TAF1D: variants seen among roughly 807,000 people sequenced by gnomAD.
TAF1D encodes TATA-box binding protein associated factor, RNA polymerase I subunit D.
TAF1D carries 23 observed loss-of-function variants against 26.2 expected under a neutral mutation model. The observed-to-expected ratio is 0.88, with a 90% CI of 0.63 to 1.25. TAF1D has a LOEUF of 1.25. TAF1D is among the 50% of genes most tolerant of loss of function. The pLI, the probability that TAF1D is intolerant of heterozygous loss-of-function variation, is 0.00. For synonymous variants in TAF1D, 100 were observed against 105.6 expected, an observed-to-expected ratio of 0.95 and a Z score of 0.33; for missense variants, 299 against 322.0, an observed-to-expected ratio of 0.93 and a Z score of 0.55.
chr11:93,730,253 C>G, exon 12 of TAF1D: 2 of 1,549,834 alleles, frequency 1.3e-6, no homozygotes, highest in African/African-American at 1.4e-5. Flanking sequence ...AAACTTCGAG[C>G]CAAAAATACA....
At chr11:93,738,587 A>T in intron 2 of TAF1D, 88 bp from the exon 3 acceptor site, 1 of 1,334,866 alleles carries the variant, frequency 7.5e-7, no homozygotes, top group South Asian at 1.7e-5. Context: ...CATTTCTTCC[A>T]AGACCAACTC....
chr11:93,730,614 T>TCA, downstream of TAF1D: 1 of 572,748 alleles, frequency 1.7e-6, no homozygotes, highest in Non-Finnish European at 3.4e-6. Context: ...GCTCTGGGTT[T>TCA]CACAGCCTCA....
chr11:93,735,293 T>G, downstream of TAF1D: 1 of 1,274,150 alleles, frequency 7.8e-7, no homozygotes, highest in East Asian at 4.9e-5. Flanking sequence ...ATCAAAATAA[T>G]GAACATCGGG....
Position 93,738,285 on chromosome 11 carries a change from T to C in TAF1D, c.283A>G (p.Lys95Glu). 1 of 1,609,406 alleles carries C rather than the reference T, an allele frequency of 6.2e-7. No homozygotes were observed. The highest frequency in any genetic ancestry group is 8.5e-7 in the Non-Finnish European group (1 of 1,178,970). ...CCTGTTGGCTGGTACCTCCTCTTTT[T>C]CTTTTTTTTATATCTCTTTTTCCTG... ...KNRKKRYKKK[K>E]KRRYQPTGRP... Residue 95 changes from lysine to glutamate, a missense_variant, in exon 3 of 6, where the codon AAA becomes GAA. By Grantham distance (56) the Lys-to-Glu change is moderately conservative (BLOSUM62 1). Transcript: ENST00000448108.
At chr11:93,739,404 G>T in intron 1 of TAF1D, 73 bp from the exon 2 acceptor site, 1 of 977,680 alleles carries the variant, frequency 1.0e-6, no homozygotes, top group Non-Finnish European at 1.5e-6. Context: ...AGTGTTGAAC[G>T]TGGTCAGACT....
downstream of TAF1D, chr11:93,730,818 A>C: frequency 7.5e-6 from 3 of 402,338 alleles, no homozygotes; most frequent in East Asian, 1.9e-4. Flanking sequence ...CTCTACTACA[A>C]ACTGCTTGGT....
downstream of TAF1D, chr11:93,730,945 T>TTTTA (rs1271283181): frequency 2.0e-6 from 1 of 494,292 alleles, no homozygotes; most frequent in Admixed American, 2.3e-5. Flanking sequence ...GTGGTTCACA[T>TTTTA]TTTATTTGTA....
At position 93,735,947 on chromosome 11, in the gene TAF1D, C is replaced by T; in HGVS notation, c.*214G>A. ...TCTCAAATTTTTCTATGTATTTTCT[C>T]TGGTGTTTTAATGGTTTTTTTTCTA... is the stretch of plus-strand genomic sequence containing the variant. On this transcript the variant is annotated 3_prime_UTR_variant, in exon 6 of 6. Transcript: ENST00000448108. 2.3e-6 allele frequency: 3 copies of T among 1,316,660 alleles called. No homozygotes were observed. Among genetic ancestry groups the T allele is most frequent in the Non-Finnish European group, 2.9e-6 (3 of 1,037,554 alleles). 81.6% of individuals were successfully genotyped at this position (1,316,660 alleles called of 1,614,324 possible).
At chr11:93,736,780 G>A (rs750263565) in intron 4 of TAF1D, 29 bp from the exon 5 acceptor site, 1 of 1,590,374 alleles carries the variant, frequency 6.3e-7, no homozygotes, top group Admixed American at 1.8e-5. Context: ...TCATCGAGAT[G>A]ACAGAATCTT....
At chr11:93,734,626 T>A (rs1403121785), downstream of TAF1D, 5 of 834,202 alleles carry the variant, frequency 6.0e-6, no homozygotes, top group Non-Finnish European at 8.7e-6. Context: ...GAGACATACC[T>A]TTAACTCCAG....
rs763253847 is a variant in TAF1D at position 93,736,765 on chromosome 11, A to G, written c.636-14T>C. On this transcript the variant is annotated splice_polypyrimidine_tract_variant and intron_variant, in intron 4 of 5. Coordinates refer to ENST00000448108, the MANE Select transcript of TAF1D (RefSeq NM_024116.4). ...TCATCCTCTGCTCTGTAATATTAAAATTTATCATCGAGATGACAGAATCTT... is the reference window on the plus strand; with the variant it reads ...TCATCCTCTGCTCTGTAATATTAAAGTTTATCATCGAGATGACAGAATCTT... 1.8e-5 allele frequency: 29 copies of G among 1,603,312 alleles called. No homozygotes were observed. In the South Asian group the frequency reaches 2.9e-4, roughly 16 times the overall value.
chr11:93,733,187 G>A (rs1485879730), downstream of TAF1D: 1 of 513,876 alleles, frequency 1.9e-6, no homozygotes, highest in East Asian at 5.5e-5. Flanking sequence ...TAAAACCCAA[G>A]TATAAATTTA....
chr11:93,740,877 G>GGT (rs751954161), intron 1 of TAF1D, among the ~76,000 whole-genome samples: 2 of 152,204 alleles, frequency 1.3e-5, no homozygotes, highest in East Asian at 3.9e-4. Flanking sequence ...CTCCTACTTG[G>GGT]GTGTCGATGC....
At chr11:93,730,332 A>G (rs2135393773) in exon 12 of TAF1D, 2 of 1,161,784 alleles carry the variant, frequency 1.7e-6, no homozygotes, top group African/African-American at 1.5e-5. Flanking sequence ...AAAATTATTT[A>G]AAGTCAATAA....
downstream of TAF1D, chr11:93,733,762 T>C (rs756843561): frequency 2.8e-5 from 8 of 289,192 alleles, no homozygotes; most frequent in Admixed American, 2.6e-4. Flanking sequence ...GGCTCAAGTG[T>C]TTCTCCTGCC....
intron 4 of TAF1D, 97 bp downstream of exon 4, chr11:93,736,967 T>C: frequency 2.5e-6 from 3 of 1,191,514 alleles, no homozygotes; most frequent in Non-Finnish European, 3.4e-6. Flanking sequence ...TTGTTCATTA[T>C]TTAAGTATAA....
rs755014031 is a variant in TAF1D, at chr11:93,738,395, CTT to C, written c.171_172del (p.Ser58CysfsTer5). 5 of 1,613,850 alleles carry C rather than the reference CTT, an allele frequency of 3.1e-6. No homozygotes were observed. Among genetic ancestry groups the C allele is most frequent in the Non-Finnish European group, 4.2e-6 (5 of 1,179,954 alleles). On this transcript the variant is annotated frameshift_variant, in exon 3 of 6. Coordinates refer to ENST00000448108, the MANE Select transcript of TAF1D (RefSeq NM_024116.4). LOFTEE classifies it high-confidence loss of function. ...ACTTGATGAATCACTTGCGTGAACA[CTT>C]TCAGGTGTACGAACAAATTTTCGAA...
chr11:93,730,468 T>C (rs753681337), exon 12 of TAF1D: 1 of 745,400 alleles, frequency 1.3e-6, no homozygotes, highest in East Asian at 2.5e-5. Context: ...GAAATTTTGA[T>C]TAACCTTTAA....
downstream of TAF1D, chr11:93,730,754 G>T (rs1171397738): frequency 2.2e-6 from 1 of 463,564 alleles, no homozygotes; most frequent in African/African-American, 2.0e-5. Flanking sequence ...CATTTCCAGA[G>T]ATGAGTGTAC....
Sources: allele counts gnomAD v4.1 joint callset (sites outside exome capture counted in the v4.1 genomes callset), GRCh38; gene constraint gnomAD v4.1.1; transcripts MANE v1.5; gene names NCBI Gene and HGNC (gene_info 2026-07-23, HGNC 2026-07-21).